DLGAP1: variants seen among roughly 807,000 people sequenced by gnomAD.
DLGAP1 encodes DLG associated protein 1.
A neutral mutation model predicts 90.8 loss-of-function variants in DLGAP1; 11 were observed. That is an observed-to-expected ratio of 0.12 (90% CI 0.08 to 0.20). DLGAP1 has a LOEUF of 0.20. Ranked by LOEUF, DLGAP1 falls within the 10% of genes least tolerant of loss-of-function variation. The pLI is 1.00. For synonymous variants in DLGAP1, 558 were observed against 540.7 expected (o/e 1.03, Z -0.44); for missense variants, 1,050 against 1,333.8 (o/e 0.79, Z 3.31).
intron 3 of DLGAP1, among the ~76,000 whole-genome samples, chr18:3,965,503 C>G (rs1568323645): frequency 1.3e-5 from 2 of 152,122 alleles, no homozygotes; most frequent in Non-Finnish European, 2.9e-5. Flanking sequence ...AACCCATTAT[C>G]TAGATACTGG....
At chr18:4,019,906 T>C (rs887632321) in intron 2 of DLGAP1, among the ~76,000 whole-genome samples, 15 of 152,176 alleles carry the variant, frequency 9.9e-5, no homozygotes, top group African/African-American at 3.6e-4. Flanking sequence ...ATAAAGGGCA[T>C]ATAATTTTAT....
intron 1 of DLGAP1, among the ~76,000 whole-genome samples, chr18:4,325,690 G>A (rs1359240224): frequency 6.6e-6 from 1 of 152,042 alleles, no homozygotes; most frequent in Non-Finnish European, 1.5e-5. Flanking sequence ...GAATAGAATG[G>A]GGAGCACAGA....
chr18:3,669,145 C>T (rs2059989177), intron 7 of DLGAP1, among the ~76,000 whole-genome samples: 1 of 116,834 alleles, frequency 8.6e-6, no homozygotes, highest in Non-Finnish European at 2.0e-5. Flanking sequence ...TTAAGAAAGA[C>T]AACGCAGACT....
chr18:3,685,863 G>T (rs1199997124), intron 7 of DLGAP1, among the ~76,000 whole-genome samples: 1 of 152,132 alleles, frequency 6.6e-6, no homozygotes, highest in Non-Finnish European at 1.5e-5. Flanking sequence ...TAATGATACA[G>T]TAGCAAAATT....
chr18:4,353,881 C>T (rs1349625442), intron 1 of DLGAP1, among the ~76,000 whole-genome samples: 1 of 152,078 alleles, frequency 6.6e-6, no homozygotes, highest in African/African-American at 2.4e-5. Context: ...AATAGCCAAA[C>T]AAACATAAGA....
At chr18:4,079,289 A>T (rs1009560714) in intron 2 of DLGAP1, among the ~76,000 whole-genome samples, 7 of 2,432 alleles carry the variant, frequency 2.9e-3, no homozygotes, top group Middle Eastern at 0.2. Flanking sequence ...AGAAAATGTC[A>T]CACACACACA....
intron 7 of DLGAP1, among the ~76,000 whole-genome samples, chr18:3,722,844 G>C (rs1487831409): frequency 6.6e-6 from 1 of 152,186 alleles, no homozygotes; most frequent in African/African-American, 2.4e-5. Flanking sequence ...ATGCTGGGAA[G>C]AGGATCAGCA....
At chr18:4,146,844 CA>C (rs1291310457) in intron 2 of DLGAP1, among the ~76,000 whole-genome samples, 2 of 151,794 alleles carry the variant, frequency 1.3e-5, no homozygotes, top group African/African-American at 4.8e-5. Flanking sequence ...GAATACATAA[CA>C]AAAAAATAAG....
intron 10 of DLGAP1, among the ~76,000 whole-genome samples, chr18:3,527,087 C>A (rs1476322394): frequency 1.3e-5 from 2 of 152,092 alleles, no homozygotes; most frequent in African/African-American, 4.8e-5. Flanking sequence ...ACTCCAGGCA[C>A]CCAAAGAATG....
intron 1 of DLGAP1, among the ~76,000 whole-genome samples, chr18:4,306,261 A>C (rs553983974): frequency 1.3e-5 from 2 of 152,256 alleles, no homozygotes; most frequent in African/African-American, 4.8e-5. Flanking sequence ...CATTGCTAGG[A>C]AAGTTGGCTA....
At position 4,206,275 on chromosome 18, in the gene DLGAP1, T is replaced by C. The variant is rs138513006; in HGVS notation, c.-266-54988A>G. On this transcript the variant is annotated intron_variant, in intron 1 of 12. Transcript: ENST00000315677. ...CTTTCTCAACTGCCCCAAACAAGCATTGTGAGTTTCTCATGATTCCGGAAG... is the reference window on the plus strand; with the variant it reads ...CTTTCTCAACTGCCCCAAACAAGCACTGTGAGTTTCTCATGATTCCGGAAG... 7.2e-3 allele frequency among the ~76,000 whole-genome samples: 1,099 copies of C among 152,206 alleles called. 6 individuals are homozygous for C. Among genetic ancestry groups the C allele is most frequent in the African/African-American group, 0.025 (1,051 of 41,524 alleles).
intron 1 of DLGAP1, among the ~76,000 whole-genome samples, chr18:4,423,800 C>T (rs1448932805): frequency 6.8e-6 from 1 of 147,944 alleles, no homozygotes; most frequent in Admixed American, 6.8e-5. Context: ...GATACACCTC[C>T]CATATCCTGG....
intron 1 of DLGAP1, among the ~76,000 whole-genome samples, chr18:4,396,296 T>C (rs1418811675): frequency 2.0e-5 from 3 of 152,104 alleles, no homozygotes; most frequent in African/African-American, 4.8e-5. Context: ...TAGCCCCACT[T>C]TGTAAAAGAA....
At chr18:4,079,970 T>C (rs972902547) in intron 2 of DLGAP1, among the ~76,000 whole-genome samples, 1 of 152,130 alleles carries the variant, frequency 6.6e-6, no homozygotes, top group African/African-American at 2.4e-5. Flanking sequence ...CATGATTAGA[T>C]AGATGTTATA....
At chr18:4,423,925 G>A (rs540424627) in intron 1 of DLGAP1, among the ~76,000 whole-genome samples, 20 of 151,618 alleles carry the variant, frequency 1.3e-4, no homozygotes, top group African/African-American at 3.2e-4. Context: ...AGGCTTAGGC[G>A]GGTAGATCAT....
In DLGAP1 at chr18:3,882,526, C is replaced by CAAA. The variant is rs111965129; in HGVS notation, c.-72-2389_-72-2387dup. On this transcript the variant is annotated intron_variant, in intron 3 of 12. Transcript: ENST00000315677. ...TGGGTGACAGAATGAGACCCTGTCT[C>CAAA]AAAAAAAAAAAAAAAAAGTTAATAG... Among the ~76,000 whole-genome samples, 197 of 113,688 alleles carry CAAA rather than the reference C, an allele frequency of 1.7e-3. 1 individual carries two copies. Among genetic ancestry groups the CAAA allele is most frequent in the South Asian group, 0.012 (42 of 3,578 alleles). The allele number at this position is 113,688 out of a possible 152,430, so 74.6% of individuals were successfully genotyped here.
intron 1 of DLGAP1, among the ~76,000 whole-genome samples, chr18:4,186,489 C>T (rs1397860510): frequency 6.6e-6 from 1 of 152,186 alleles, no homozygotes; most frequent in Admixed American, 6.5e-5. Flanking sequence ...CAATCTTCTG[C>T]ATATGGCTAA....
At chr18:4,164,570 C>T (rs931835253) in intron 1 of DLGAP1, among the ~76,000 whole-genome samples, 1 of 152,074 alleles carries the variant, frequency 6.6e-6, no homozygotes, top group East Asian at 1.9e-4. Context: ...ATCCCAGCTA[C>T]TTGGGAGGCT....
chr18:4,199,671 C>T (rs2077571513), intron 1 of DLGAP1, among the ~76,000 whole-genome samples: 1 of 152,188 alleles, frequency 6.6e-6, no homozygotes, highest in African/African-American at 2.4e-5. Flanking sequence ...TTTTGGAAAA[C>T]TATGTGATGG....
Sources: gnomAD v4.1 joint callset for allele counts (sites outside exome capture counted in the v4.1 genomes callset) on GRCh38, gnomAD v4.1.1 for gene constraint, MANE v1.5 for transcripts, NCBI Gene and HGNC (gene_info 2026-07-23, HGNC 2026-07-21) for gene names.